PRKCE: variants seen among roughly 807,000 people sequenced by gnomAD.
PRKCE encodes the protein protein kinase C epsilon type.
A neutral mutation model predicts 85.4 loss-of-function variants in PRKCE; 16 were observed. The observed-to-expected ratio is 0.19, with a 90% CI of 0.13 to 0.28. The LOEUF (loss-of-function observed/expected upper bound fraction) is 0.28, where lower values mean the gene tolerates loss of function less well. Ranked by LOEUF, PRKCE falls within the 10% of genes least tolerant of loss-of-function variation. The pLI is 1.00. For synonymous variants in PRKCE, 388 were observed against 371.5 expected (o/e 1.04, Z -0.51); for missense variants, 573 against 975.2 (o/e 0.59, Z 5.49).
At chr2:45,845,731 A>G (rs1358830980) in intron 2 of PRKCE, 3 of 152,140 alleles carry the variant, frequency 2.0e-5, no homozygotes, top group Admixed American at 2.0e-4. Context: ...GTGATTTCTA[A>G]CTGTCTAATA....
chr2:46,119,728 G>T (rs1456729934), intron 11 of PRKCE, among the ~76,000 whole-genome samples: 1 of 152,224 alleles, frequency 6.6e-6, no homozygotes, highest in African/African-American at 2.4e-5. Context: ...AACACGCATT[G>T]TTCCGGCAGC....
At chr2:46,008,247 C>G (rs1331374863) in intron 9 of PRKCE, among the ~76,000 whole-genome samples, 2 of 152,124 alleles carry the variant, frequency 1.3e-5, no homozygotes, top group African/African-American at 4.8e-5. Flanking sequence ...CCCTTGGTGC[C>G]ATTCTCCATA....
chr2:45,703,428 C>A (rs980733387), intron 1 of PRKCE, among the ~76,000 whole-genome samples: 1 of 151,982 alleles, frequency 6.6e-6, no homozygotes, highest in African/African-American at 2.4e-5. Context: ...GTCCCAGCTA[C>A]TCGGGAGGCC....
chr2:45,724,654 C>T (rs1323065767), intron 1 of PRKCE, among the ~76,000 whole-genome samples: 4 of 152,140 alleles, frequency 2.6e-5, no homozygotes, highest in African/African-American at 9.7e-5. Context: ...AGTAAATACA[C>T]GAATAAGAAA....
intron 14 of PRKCE, among the ~76,000 whole-genome samples, chr2:46,181,282 C>G (rs2594492): frequency 0.6 from 91,711 of 152,088 alleles, 29,362 homozygotes; most frequent in African/African-American, 0.83. Context: ...CAAGCCTCTA[C>G]TGTTAACAGT....
At chr2:45,759,560 G>T (rs1684272564) in intron 1 of PRKCE, among the ~76,000 whole-genome samples, 1 of 152,190 alleles carries the variant, frequency 6.6e-6, no homozygotes, top group Non-Finnish European at 1.5e-5. Flanking sequence ...GATGCCTGTT[G>T]TTCCTCACAT....
rs61763805 is a variant in PRKCE at position 45,979,289 on chromosome 2, T to G, written c.607+279T>G. On this transcript the variant is annotated intron_variant, in intron 4 of 14. Coordinates refer to ENST00000306156, the MANE Select transcript of PRKCE (RefSeq NM_005400.3). ...CTGGAGCAGGTGGCACTTTCATCTT[T>G]CTGAATGAGACATTCTGCTTCAGTT... Among the ~76,000 whole-genome samples, 138 of 152,308 alleles carry G rather than the reference T, an allele frequency of 9.1e-4. 2 individuals are homozygous for G. Among genetic ancestry groups the G allele is most frequent in the African/African-American group, 3.1e-3 (129 of 41,566 alleles).
At chr2:46,070,201 G>T (rs1574389348) in intron 10 of PRKCE, among the ~76,000 whole-genome samples, 1 of 152,228 alleles carries the variant, frequency 6.6e-6, no homozygotes. Context: ...GAACTGTTGT[G>T]TTCCTTCACG....
chr2:46,091,690 G>A (rs1670184560), intron 11 of PRKCE, among the ~76,000 whole-genome samples: 2 of 152,184 alleles, frequency 1.3e-5, no homozygotes, highest in Non-Finnish European at 2.9e-5. Context: ...GATTTCATGA[G>A]TGAATAGGTC....
Position 46,045,280 on chromosome 2 carries a change from A to G in PRKCE, c.1437+34763A>G, listed in dbSNP as rs137903118. Among the ~76,000 whole-genome samples, 646 of 152,342 alleles carry G rather than the reference A, an allele frequency of 4.2e-3. 1 individual carries two copies. Among genetic ancestry groups the G allele is most frequent in the African/African-American group, 0.015 (621 of 41,562 alleles). On this transcript the variant is annotated intron_variant, in intron 10 of 14. Transcript: ENST00000306156. Reference sequence around the variant, plus strand: ...TCATGTGTGAATAAGTTGGCCATGTATGTGTCTACATGTTTATTGACTGGG... The same window carrying G: ...TCATGTGTGAATAAGTTGGCCATGTGTGTGTCTACATGTTTATTGACTGGG...
chr2:45,873,154 T>C (rs1457155498), intron 2 of PRKCE, among the ~76,000 whole-genome samples: 1 of 152,180 alleles, frequency 6.6e-6, no homozygotes, highest in Non-Finnish European at 1.5e-5. Flanking sequence ...TGTCTTAATA[T>C]TGGACGGCCA....
chr2:45,750,300 C>A (rs1460359146), intron 1 of PRKCE, among the ~76,000 whole-genome samples: 1 of 152,188 alleles, frequency 6.6e-6, no homozygotes, highest in Non-Finnish European at 1.5e-5. Context: ...CCTCCCCCAG[C>A]CCCTGGGAAA....
At chr2:45,835,781 G>C (rs918634575) in intron 1 of PRKCE, among the ~76,000 whole-genome samples, 1 of 151,992 alleles carries the variant, frequency 6.6e-6, no homozygotes, top group East Asian at 1.9e-4. Context: ...TTTTTGTAGA[G>C]AGAAGGTCTC....
At chr2:46,180,350 G>A (rs913729614) in intron 14 of PRKCE, among the ~76,000 whole-genome samples, 9 of 152,308 alleles carry the variant, frequency 5.9e-5, no homozygotes, top group African/African-American at 1.9e-4. Flanking sequence ...CCAGGGAGAT[G>A]AACCTGGGGG....
At chr2:45,767,333 A>G (rs1036200259) in intron 1 of PRKCE, among the ~76,000 whole-genome samples, 3 of 152,158 alleles carry the variant, frequency 2.0e-5, no homozygotes, top group African/African-American at 4.8e-5. Flanking sequence ...CTTTTAACCA[A>G]CCTCTTAATG....
intron 2 of PRKCE, among the ~76,000 whole-genome samples, chr2:45,958,903 C>G (rs1378849608): frequency 7.6e-6 from 1 of 132,370 alleles, no homozygotes; most frequent in Non-Finnish European, 1.6e-5. Context: ...GTGTTTTGCC[C>G]CTAAGGAGCA....
intron 1 of PRKCE, among the ~76,000 whole-genome samples, chr2:45,832,134 G>A (rs6726221): frequency 0.42 from 63,618 of 151,928 alleles, 13,979 homozygotes; most frequent in Middle Eastern, 0.57. Context: ...GTATTATGAT[G>A]CAGGAATATT....
intron 6 of PRKCE, among the ~76,000 whole-genome samples, chr2:45,997,228 A>G (rs1704293340): frequency 6.6e-6 from 1 of 151,960 alleles, no homozygotes; most frequent in Non-Finnish European, 1.5e-5. Flanking sequence ...GCCTTACTAG[A>G]GGCTTATTGA....
chr2:45,687,245 A>G (rs1392456681), intron 1 of PRKCE, among the ~76,000 whole-genome samples: 2 of 152,206 alleles, frequency 1.3e-5, no homozygotes, highest in Admixed American at 1.3e-4. Context: ...CTTAATTTAT[A>G]AAGTATTCTA....
Sources: gnomAD v4.1 joint callset for allele counts (sites outside exome capture counted in the v4.1 genomes callset) on GRCh38, gnomAD v4.1.1 for gene constraint, MANE v1.5 for transcripts, NCBI Gene and HGNC (gene_info 2026-07-23, HGNC 2026-07-21) for gene names.